Variants in SYT14 observed in about 807,000 individuals in gnomAD.
SYT14 encodes the protein synaptotagmin-14.
A neutral mutation model predicts 74.2 loss-of-function variants in SYT14; 32 were observed. The observed-to-expected ratio is 0.43, with a 90% CI of 0.33 to 0.58. The LOEUF (loss-of-function observed/expected upper bound fraction) is 0.58. SYT14 is among the 20% of genes least tolerant of loss of function. The probability of loss-of-function intolerance (pLI) is 0.05; values close to 1 mark genes in which losing one functional copy is unlikely to be tolerated. For synonymous variants in SYT14, 298 were observed against 337.7 expected, an observed-to-expected ratio of 0.88 and a Z score of 1.29; for missense variants, 791 against 981.8, an observed-to-expected ratio of 0.81 and a Z score of 2.60.
At chr1:210,060,338 C>T (rs1018938319) in intron 5 of SYT14, among the ~76,000 whole-genome samples, 1 of 152,062 alleles carries the variant, frequency 6.6e-6, no homozygotes, top group African/African-American at 2.4e-5. Context: ...ACTAAAATTG[C>T]ATTTTATTGC....
exon 4 of SYT14, chr1:210,016,927 A>G (rs1202195594): frequency 8.1e-6 from 10 of 1,231,574 alleles, no homozygotes; most frequent in Admixed American, 4.2e-5. Context: ...ATCCAGCACC[A>G]TCAACTAATT....
chr1:210,001,017 A>G (rs2102878598), intron 2 of SYT14, among the ~76,000 whole-genome samples: 1 of 152,334 alleles, frequency 6.6e-6, no homozygotes, highest in South Asian at 2.1e-4. Flanking sequence ...TTAAAATAAT[A>G]AAGGACTCTT....
At chr1:209,951,530 C>T (rs2078911713) in intron 1 of SYT14, among the ~76,000 whole-genome samples, 1 of 152,154 alleles carries the variant, frequency 6.6e-6, no homozygotes, top group African/African-American at 2.4e-5. Flanking sequence ...TTATCCATTT[C>T]CACCATGTGC....
chr1:210,061,595 A>G (rs2081208984), intron 5 of SYT14, among the ~76,000 whole-genome samples: 1 of 151,934 alleles, frequency 6.6e-6, no homozygotes, highest in South Asian at 2.1e-4. Flanking sequence ...CTTAACTAAG[A>G]AAACTCAATT....
At chr1:209,981,920 C>T (rs2079494676) in intron 2 of SYT14, among the ~76,000 whole-genome samples, 1 of 151,850 alleles carries the variant, frequency 6.6e-6, no homozygotes, top group Non-Finnish European at 1.5e-5. Context: ...TAGCGTTGAC[C>T]TTGGACAGTC....
intron 4 of SYT14, chr1:210,017,177 T>A: frequency 9.6e-7 from 1 of 1,038,078 alleles, no homozygotes; most frequent in South Asian, 5.1e-5. Context: ...TCATCCAAAT[T>A]TCTCAGCTTT....
In SYT14 at chr1:210,130,578, T is replaced by C. The variant is rs2082653273; in HGVS notation, c.2035-25143T>C. Among the ~76,000 whole-genome samples, 3 of 152,228 alleles carry C rather than the reference T, an allele frequency of 2.0e-5. No individual in the cohort carries two copies. In the South Asian group the frequency reaches 6.2e-4, roughly 32 times the overall value. ...AATATGCCAAGTGGCCCATTAATTA[T>C]CCACAAGGCCATTTTTACGGTGTAT... On this transcript the variant is annotated intron_variant, in intron 7 of 9. Coordinates refer to ENST00000637265, the Ensembl canonical transcript of SYT14.
At chr1:210,086,359 A>G (rs1423801641) in intron 5 of SYT14, among the ~76,000 whole-genome samples, 1 of 152,190 alleles carries the variant, frequency 6.6e-6, no homozygotes, top group Non-Finnish European at 1.5e-5. Flanking sequence ...TCACTTATTC[A>G]TATATTTATT....
chr1:209,971,460 C>T (rs2079255038), intron 2 of SYT14, among the ~76,000 whole-genome samples: 1 of 152,094 alleles, frequency 6.6e-6, no homozygotes, highest in African/African-American at 2.4e-5. Flanking sequence ...TTGTCTTGTT[C>T]CAGTTCTCAA....
chr1:210,136,488 T>C (rs1190390299), intron 7 of SYT14, among the ~76,000 whole-genome samples: 5 of 152,148 alleles, frequency 3.3e-5, no homozygotes, highest in African/African-American at 1.2e-4. Context: ...ATTCATCCCA[T>C]TGTGTGATGC....
intron 2 of SYT14, among the ~76,000 whole-genome samples, chr1:209,961,927 C>T (rs548580593): frequency 3.9e-5 from 6 of 152,168 alleles, no homozygotes; most frequent in South Asian, 2.1e-4. Context: ...CTCTGAACAA[C>T]GAAGTGGCTC....
intron 4 of SYT14, among the ~76,000 whole-genome samples, chr1:210,018,922 G>C (rs1259750455): frequency 6.6e-5 from 10 of 152,022 alleles, no homozygotes. Context: ...CAGATCACGA[G>C]GTCAAGAGAT....
chr1:210,100,212 A>G, exon 7 of SYT14: 2 of 1,614,080 alleles, frequency 1.2e-6, no homozygotes, highest in South Asian at 2.2e-5. Context: ...TTGTTCTTCT[A>G]CCTATAAAGA....
chr1:209,942,366 C>CA (rs1272945979), intron 1 of SYT14, among the ~76,000 whole-genome samples: 1 of 124,224 alleles, frequency 8.0e-6, no homozygotes, highest in African/African-American at 3.2e-5. Context: ...ATTTACCCCC[C>CA]CCCCCCCGCT....
At chr1:210,094,505 G>A (rs1224548228) in exon 6 of SYT14, 1 of 1,613,780 alleles carries the variant, frequency 6.2e-7, no homozygotes, top group African/African-American at 1.3e-5. Flanking sequence ...CCAAGTGAAG[G>A]AAGCACAGGT....
intron 2 of SYT14, among the ~76,000 whole-genome samples, chr1:210,000,067 A>G (rs959676829): frequency 6.6e-6 from 1 of 152,136 alleles, no homozygotes; most frequent in Non-Finnish European, 1.5e-5. Flanking sequence ...TAAAGTTATG[A>G]TTTTATTTTT....
intron 2 of SYT14, chr1:209,966,098 T>A: frequency 2.8e-6 from 1 of 354,264 alleles, no homozygotes; most frequent in South Asian, 2.2e-5. Context: ...TCTCGATCGC[T>A]TGATCTCATG....
intron 2 of SYT14, among the ~76,000 whole-genome samples, chr1:210,003,407 C>CT (rs2079936109): frequency 6.6e-6 from 1 of 152,160 alleles, no homozygotes; most frequent in Non-Finnish European, 1.5e-5. Context: ...TTCAGGTACT[C>CT]TAATACCAGG....
intron 2 of SYT14, among the ~76,000 whole-genome samples, chr1:209,982,088 A>G (rs1160686411): frequency 6.6e-6 from 1 of 152,096 alleles, no homozygotes; most frequent in African/African-American, 2.4e-5. Context: ...TTTCTCAAGA[A>G]TGCCAGTAAT....
Sources: gnomAD v4.1 joint callset for allele counts (sites outside exome capture counted in the v4.1 genomes callset) on GRCh38, gnomAD v4.1.1 for gene constraint, MANE v1.5 for transcripts, NCBI Gene and HGNC (gene_info 2026-07-23, HGNC 2026-07-21) for gene names.